Variants in IL1RAPL2 observed in about 807,000 individuals in gnomAD.
IL1RAPL2 encodes the protein interleukin 1 receptor accessory protein like 2.
In IL1RAPL2, 3 loss-of-function variants were observed where a neutral mutation model predicts 44.1. That is an observed-to-expected ratio of 0.07 (90% CI 0.03 to 0.18). IL1RAPL2 has a LOEUF of 0.18. Among genes scored for constraint, IL1RAPL2 ranks in the 10% least tolerant of loss-of-function variants. The probability of loss-of-function intolerance (pLI) is 1.00; values close to 1 mark genes in which losing one functional copy is unlikely to be tolerated. For synonymous variants in IL1RAPL2, 181 were observed against 178.8 expected (o/e 1.01, Z -0.10); for missense variants, 391 against 496.4 (o/e 0.79, Z 2.02).
intron 1 of IL1RAPL2, among the ~76,000 whole-genome samples, chrX:104,602,479 A>C (rs1356338014): frequency 9.0e-6 from 1 of 111,206 alleles, no homozygotes; most frequent in Non-Finnish European, 1.9e-5. Context: ...GTGAGACAGA[A>C]TCAATTACTC....
chrX:104,817,172 GCA>G (rs1423384318), intron 2 of IL1RAPL2, among the ~76,000 whole-genome samples: 2 of 112,772 alleles, frequency 1.8e-5, no homozygotes, highest in Non-Finnish European at 3.7e-5. Context: ...GCCTCTCTGA[GCA>G]CACAGTTCTT....
chrX:104,894,175 C>G (rs1434928998), intron 2 of IL1RAPL2, among the ~76,000 whole-genome samples: 1 of 111,849 alleles, frequency 8.9e-6, no homozygotes, highest in African/African-American at 3.3e-5. Flanking sequence ...ATGGGCTTCC[C>G]TTTGTGGGTA....
intron 5 of IL1RAPL2, among the ~76,000 whole-genome samples, chrX:105,281,930 T>C (rs1166889304): frequency 9.0e-6 from 1 of 111,580 alleles, no homozygotes; most frequent in African/African-American, 3.3e-5. Flanking sequence ...GTCTGACAAA[T>C]GGTCTAAGAC....
intron 2 of IL1RAPL2, among the ~76,000 whole-genome samples, chrX:105,045,459 T>C (rs1328347203): frequency 8.9e-6 from 1 of 112,278 alleles, no homozygotes; most frequent in Non-Finnish European, 1.9e-5. Flanking sequence ...TGTTGTTTAC[T>C]TTGGGAGAAA....
chrX:105,131,578 T>C (rs186383660), intron 2 of IL1RAPL2, among the ~76,000 whole-genome samples: 1 of 109,767 alleles, frequency 9.1e-6, no homozygotes, highest in East Asian at 2.9e-4. Context: ...GGCAGCATAC[T>C]GGATTTGGCT....
intron 2 of IL1RAPL2, among the ~76,000 whole-genome samples, chrX:105,030,908 T>C (rs2031479943): frequency 9.0e-6 from 1 of 111,605 alleles, no homozygotes; most frequent in Non-Finnish European, 1.9e-5. Flanking sequence ...TTGTATCCTC[T>C]TTTATTTCAC....
chrX:105,240,283 G>C (rs998868597), intron 4 of IL1RAPL2, among the ~76,000 whole-genome samples: 3 of 112,573 alleles, frequency 2.7e-5, no homozygotes, highest in African/African-American at 9.7e-5. Flanking sequence ...ATTTAGGTGC[G>C]TAGCACTGAT....
chrX:104,720,041 C>A (rs1310771997), intron 2 of IL1RAPL2, among the ~76,000 whole-genome samples: 1 of 111,602 alleles, frequency 9.0e-6, no homozygotes, highest in Non-Finnish European at 1.9e-5. Flanking sequence ...TAATGGTAAG[C>A]TGATATCCAG....
At chrX:105,051,362 G>A (rs1210959891) in intron 2 of IL1RAPL2, among the ~76,000 whole-genome samples, 1 of 112,868 alleles carries the variant, frequency 8.9e-6, no homozygotes, top group Non-Finnish European at 1.9e-5. Flanking sequence ...GGCAGCCGCA[G>A]CTGCACCCAG....
chrX:104,879,864 G>T (rs1390655974), intron 2 of IL1RAPL2, among the ~76,000 whole-genome samples: 3 of 111,255 alleles, frequency 2.7e-5, no homozygotes, highest in African/African-American at 9.8e-5. Context: ...GAGACTTACA[G>T]TGAGAAGTAC....
At chrX:104,635,671 C>T (rs763333568) in intron 1 of IL1RAPL2, among the ~76,000 whole-genome samples, 1 of 111,874 alleles carries the variant, frequency 8.9e-6, no homozygotes, top group Non-Finnish European at 1.9e-5. Context: ...ATGTAGTTCT[C>T]GTTCCGTGGT....
chrX:105,201,579 G>C (rs782216690), intron 3 of IL1RAPL2, among the ~76,000 whole-genome samples: 4 of 111,490 alleles, frequency 3.6e-5, no homozygotes, highest in African/African-American at 9.8e-5. Flanking sequence ...CTCACTTTAT[G>C]GCATATTGCA....
At chrX:104,744,549 A>G (rs886466335) in intron 2 of IL1RAPL2, among the ~76,000 whole-genome samples, 38 of 111,352 alleles carry the variant, frequency 3.4e-4, no homozygotes, top group African/African-American at 1.1e-3. Flanking sequence ...CTATTTATTC[A>G]TTTGTTTAGT....
At chrX:105,530,644 G>C (rs2036627244) in intron 6 of IL1RAPL2, among the ~76,000 whole-genome samples, 1 of 110,465 alleles carries the variant, frequency 9.1e-6, no homozygotes, top group Admixed American at 9.7e-5. Context: ...ATTGACTATA[G>C]TCACCTTGTT....
chrX:104,587,201 T>G (rs12839499), intron 1 of IL1RAPL2, among the ~76,000 whole-genome samples: 14,687 of 111,451 alleles, frequency 0.13, 925 homozygotes, highest in Middle Eastern at 0.25. Context: ...AAGACAGTAA[T>G]GATACCTACC....
intron 1 of IL1RAPL2, among the ~76,000 whole-genome samples, chrX:104,651,012 A>G (rs1462229393): frequency 8.9e-6 from 1 of 112,253 alleles, no homozygotes; most frequent in Non-Finnish European, 1.9e-5. Flanking sequence ...ATAAAATGAC[A>G]TATAACAGTT....
chrX:105,351,853 AATTT>A (rs2035158038), intron 5 of IL1RAPL2, among the ~76,000 whole-genome samples: 2 of 111,879 alleles, frequency 1.8e-5, no homozygotes, highest in African/African-American at 6.5e-5. Context: ...AATAGATAAT[AATTT>A]ATTTGTTTAT....
At chrX:105,252,172 T>A (rs1343012258) in intron 4 of IL1RAPL2, among the ~76,000 whole-genome samples, 14 of 111,612 alleles carry the variant, frequency 1.3e-4, no homozygotes, top group Non-Finnish European at 2.6e-4. Context: ...GTAATATAAA[T>A]GGAATAATAT....
At chrX:104,710,417 T>A (rs1483768286) in intron 2 of IL1RAPL2, among the ~76,000 whole-genome samples, 2 of 111,062 alleles carry the variant, frequency 1.8e-5, no homozygotes, top group Non-Finnish European at 3.8e-5. Context: ...AAATCCAGAA[T>A]AAGCAAATCC....
Sources: allele counts gnomAD v4.1 joint callset (sites outside exome capture counted in the v4.1 genomes callset), GRCh38; gene constraint gnomAD v4.1.1; transcripts MANE v1.5; gene names NCBI Gene and HGNC (gene_info 2026-07-23, HGNC 2026-07-21).